The following ELAPOR1 variants were observed in gnomAD, a reference collection of about 807,000 sequenced individuals.
ELAPOR1 encodes the protein endosome-lysosome associated apoptosis and autophagy regulator 1.
A neutral mutation model predicts 119.7 loss-of-function variants in ELAPOR1; 77 were observed. The observed-to-expected ratio is 0.64, with a 90% CI of 0.54 to 0.78. The LOEUF is 0.78. ELAPOR1 is among the 30% of genes least tolerant of loss of function. The probability of loss-of-function intolerance (pLI) is 0.00; values close to 1 mark genes in which losing one functional copy is unlikely to be tolerated. For missense variants in ELAPOR1, 1,115 were observed against 1,270.4 expected, an observed-to-expected ratio of 0.88 and a Z score of 1.86; for synonymous variants, 481 against 487.2, an observed-to-expected ratio of 0.99 and a Z score of 0.17.
intron 1 of ELAPOR1, among the ~76,000 whole-genome samples, chr1:109,134,056 G>A (rs578033947): frequency 5.9e-5 from 9 of 152,180 alleles, no homozygotes; most frequent in Non-Finnish European, 1.3e-4. Context: ...AGTGGGAGGG[G>A]GCAGAGGAGT....
At chr1:109,137,181 G>A (rs1308694510) in intron 1 of ELAPOR1, among the ~76,000 whole-genome samples, 2 of 152,078 alleles carry the variant, frequency 1.3e-5, no homozygotes, top group African/African-American at 4.8e-5. Flanking sequence ...AAGGCAAGGT[G>A]ATAATTTTTT....
At chr1:109,121,962 CAG>C (rs1648449339) in intron 1 of ELAPOR1, among the ~76,000 whole-genome samples, 1 of 151,656 alleles carries the variant, frequency 6.6e-6, no homozygotes, top group Non-Finnish European at 1.5e-5. Flanking sequence ...TGGGTAGAGA[CAG>C]GGTTACATCA....
At chr1:109,132,804 G>A (rs765714366) in intron 1 of ELAPOR1, among the ~76,000 whole-genome samples, 1 of 152,164 alleles carries the variant, frequency 6.6e-6, no homozygotes, top group African/African-American at 2.4e-5. Flanking sequence ...GGAAGGCAAG[G>A]ATCAAACCAT....
intron 15 of ELAPOR1, 66 bp downstream of exon 15, chr1:109,194,660 C>T: frequency 4.0e-6 from 6 of 1,485,002 alleles, no homozygotes; most frequent in Non-Finnish European, 4.7e-6. Context: ...AAGCCAGAGA[C>T]AGACACAGGA....
intron 8 of ELAPOR1, chr1:109,187,472 G>T (rs1570710936): frequency 1.0e-6 from 1 of 999,276 alleles, no homozygotes; most frequent in Non-Finnish European, 1.2e-6. Flanking sequence ...CATATGTATG[G>T]TATCTGCACA....
intron 1 of ELAPOR1, among the ~76,000 whole-genome samples, chr1:109,118,021 G>T (rs145574680): frequency 0.016 from 2,378 of 152,160 alleles, 26 homozygotes; most frequent in African/African-American, 0.02. Flanking sequence ...CAGCTACTTG[G>T]GAGACTGAGG....
chr1:109,191,818 C>A lies in ELAPOR1; in HGVS notation c.1638C>A (p.Thr546=), dbSNP rs777760709. ...CCTACATCATTGAGGAGAACACTACCACGAGCTTCACCTGGGCCTTCCAGA... is the reference window on the plus strand; with the variant it reads ...CCTACATCATTGAGGAGAACACTACAACGAGCTTCACCTGGGCCTTCCAGA... ...SYTYIIEENT[T]TSFTWAFQRT... is the part of the protein sequence containing the mutation. Residue 546 remains threonine, a synonymous_variant, in exon 13 of 22, where the codon ACC becomes ACA. Transcript: ENST00000369939. The A allele has an allele frequency of 1.9e-6, 3 of 1,614,164 alleles. No individual in the cohort carries two copies. Among genetic ancestry groups the A allele is most frequent in the Non-Finnish European group, 2.5e-6 (3 of 1,180,020 alleles).
chr1:109,177,377 A>G (rs1272975130), intron 7 of ELAPOR1, among the ~76,000 whole-genome samples: 26 of 116,652 alleles, frequency 2.2e-4, no homozygotes, highest in Non-Finnish European at 4.3e-4. Context: ...CTCACTTCTC[A>G]GACGGGGCGG....
At chr1:109,116,799 T>G (rs913637437) in intron 1 of ELAPOR1, among the ~76,000 whole-genome samples, 4 of 150,762 alleles carry the variant, frequency 2.7e-5, no homozygotes, top group African/African-American at 9.8e-5. Context: ...CAAGCAATTC[T>G]CCTGCCTCAG....
chr1:109,164,614 GCC>G lies in ELAPOR1; in HGVS notation c.393_394del (p.His132TrpfsTer13), dbSNP rs1651469450. The G allele has an allele frequency of 6.2e-7, 1 of 1,614,132 alleles. No homozygotes were observed. Among genetic ancestry groups the G allele is most frequent in the Non-Finnish European group, 8.5e-7 (1 of 1,180,054 alleles). On this transcript the variant is annotated frameshift_variant, in exon 3 of 22. Coordinates refer to ENST00000369939, the MANE Select transcript of ELAPOR1 (RefSeq NM_020775.5). LOFTEE classifies it high-confidence loss of function. ...TTCGGTTTGATGAGTGGGATGAGCTGCCCCATGGCTTTGCCAGCCTCTCAGCC... is the reference window on the plus strand; with the variant it reads ...TTCGGTTTGATGAGTGGGATGAGCTGCCATGGCTTTGCCAGCCTCTCAGCC... ...GIRFDEWDEL[P>X]HGFASLSANM...
At chr1:109,188,003 A>G (rs1653161914) in intron 8 of ELAPOR1, 174 bp from the exon 9 acceptor site, 1 of 1,371,928 alleles carries the variant, frequency 7.3e-7, no homozygotes, top group Non-Finnish European at 9.4e-7. Context: ...TGACTCAGGC[A>G]CTGGGCTAGG....
At chr1:109,155,780 A>C (rs1019973087) in intron 1 of ELAPOR1, among the ~76,000 whole-genome samples, 22 of 152,006 alleles carry the variant, frequency 1.4e-4, no homozygotes, top group African/African-American at 5.3e-4. Flanking sequence ...TACAATGTGC[A>C]CTCTGCCTGC....
At chr1:109,163,035 C>G (rs1313440585) in intron 2 of ELAPOR1, among the ~76,000 whole-genome samples, 1 of 152,244 alleles carries the variant, frequency 6.6e-6, no homozygotes, top group Non-Finnish European at 1.5e-5. Context: ...ACTGAGCCAG[C>G]CATCCCCAGA....
At chr1:109,185,800 T>C (rs572231852) in intron 8 of ELAPOR1, among the ~76,000 whole-genome samples, 1 of 151,726 alleles carries the variant, frequency 6.6e-6, no homozygotes, top group East Asian at 2.0e-4. Flanking sequence ...TGCAGGGAAC[T>C]GGGGGAGCCC....
At position 109,159,131 on chromosome 1, in the gene ELAPOR1, T is replaced by C. The variant is rs192780482; in HGVS notation, c.154-2763T>C. Among the ~76,000 whole-genome samples the C allele has an allele frequency of 6.0e-3, 911 of 152,208 alleles. 6 individuals carry two copies. Among genetic ancestry groups the C allele is most frequent in the African/African-American group, 0.021 (859 of 41,518 alleles). ...CTGGTCTCAAACTCCTGACCTCAGGTGATCCACCCACCTTGGCCTCCCAAA... is the reference window on the plus strand; with the variant it reads ...CTGGTCTCAAACTCCTGACCTCAGGCGATCCACCCACCTTGGCCTCCCAAA... On this transcript the variant is annotated intron_variant, in intron 1 of 21. Coordinates refer to ENST00000369939, the MANE Select transcript of ELAPOR1 (RefSeq NM_020775.5).
chr1:109,178,962 CAA>C (rs35030338), intron 7 of ELAPOR1, among the ~76,000 whole-genome samples: 8 of 134,180 alleles, frequency 6.0e-5, no homozygotes, highest in East Asian at 4.3e-4. Context: ...AATACTGTCT[CAA>C]AAAAAAAAAA....
intron 15 of ELAPOR1, among the ~76,000 whole-genome samples, chr1:109,195,128 C>A (rs12090426): frequency 0.83 from 126,504 of 151,802 alleles, 53,206 homozygotes; most frequent in East Asian, 0.97. Flanking sequence ...AATAAAAAAT[C>A]AATAAAATAA....
In ELAPOR1 at chr1:109,183,598, TTCCTTCCTTCCA is replaced by T. The variant is rs1652870949; in HGVS notation, c.953-1439_953-1428del. Among the ~76,000 whole-genome samples, 3 of 125,974 alleles carry T rather than the reference TTCCTTCCTTCCA, an allele frequency of 2.4e-5. 1 individual carries two copies. The highest frequency in any genetic ancestry group is 3.3e-5 in the African/African-American group (1 of 29,914). 82.6% of individuals were successfully genotyped at this position (125,974 alleles called of 152,430 possible). On this transcript the variant is annotated intron_variant, in intron 7 of 21. Transcript: ENST00000369939. ...CTTCCTTCCTTCCTTCCTTCCTTCC[TTCCTTCCTTCCA>T]TCCTTCCCTCCTTCCTTCCTTCCTT...
Position 109,172,492 on chromosome 1 carries a change from A to G in ELAPOR1, c.620A>G (p.Gln207Arg). ...DSSIIFEFFVQNDQCQPNADD... is the reference protein window; with the variant it reads ...DSSIIFEFFVRNDQCQPNADD... ...CCCAAACTCTTTTTATGTCAGGTTC[A>G]GAATGACCAGTGCCAGCCCAATGCA... Residue 207 changes from glutamine to arginine, a missense_variant, in exon 5 of 22, where the codon CAG (glutamine) becomes CGG (arginine). Physicochemically the swap from Gln to Arg is conservative, Grantham distance 43 (BLOSUM62 1). Coordinates refer to ENST00000369939, the MANE Select transcript of ELAPOR1 (RefSeq NM_020775.5). The G allele has an allele frequency of 6.2e-7, 1 of 1,612,958 alleles. No homozygotes were observed. The highest frequency in any genetic ancestry group is 8.5e-7 in the Non-Finnish European group (1 of 1,178,980).
Sources: allele counts gnomAD v4.1 joint callset (sites outside exome capture counted in the v4.1 genomes callset), GRCh38; gene constraint gnomAD v4.1.1; transcripts MANE v1.5; gene names NCBI Gene and HGNC (gene_info 2026-07-23, HGNC 2026-07-21).